The following NF2 variants were observed in gnomAD, a reference collection of about 807,000 sequenced individuals.
The protein encoded by NF2 is NF2, moesin-ezrin-radixin like (MERLIN) tumor suppressor, also known as merlin.
NF2 carries 8 observed loss-of-function variants against 83.7 expected under a neutral mutation model. The ratio of observed to expected loss-of-function variants is 0.10; its 90% CI spans 0.06 to 0.17. The LOEUF is 0.17. Ranked by LOEUF, NF2 falls within the 10% of genes least tolerant of loss-of-function variation. The pLI is 1.00. For synonymous variants in NF2, 266 were observed against 269.6 expected (o/e 0.99, Z 0.13); for missense variants, 533 against 744.4 (o/e 0.72, Z 3.31).
intron 14 of NF2, among the ~76,000 whole-genome samples, chr22:29,679,753 C>A (rs2067072655): frequency 6.6e-6 from 1 of 151,696 alleles, no homozygotes; most frequent in Non-Finnish European, 1.5e-5. Flanking sequence ...GTGGTCCCAG[C>A]TACTCGGGAG....
At chr22:29,680,125 T>TA (rs1236483460) in intron 14 of NF2, among the ~76,000 whole-genome samples, 1 of 151,666 alleles carries the variant, frequency 6.6e-6, no homozygotes, top group Non-Finnish European at 1.5e-5. Flanking sequence ...ACTTTTTTTT[T>TA]TTTTGAGATG....
intron 8 of NF2, 35 bp downstream of exon 8, chr22:29,661,374 G>A (rs2147012469): frequency 6.2e-7 from 1 of 1,611,862 alleles, no homozygotes. Flanking sequence ...GGGTCCAGCA[G>A]ATCTTTCCCT....
chr22:29,690,709 T>G (rs1339878930), intron 15 of NF2, among the ~76,000 whole-genome samples: 1 of 152,234 alleles, frequency 6.6e-6, no homozygotes, highest in East Asian at 1.9e-4. Context: ...CCTCCTGTGT[T>G]ATTCACACGG....
intron 13 of NF2, among the ~76,000 whole-genome samples, chr22:29,676,774 C>T (rs959916116): frequency 3.9e-5 from 6 of 152,164 alleles, no homozygotes; most frequent in South Asian, 4.1e-4. Context: ...GTCAAATTTT[C>T]GATTTTGATA....
intron 1 of NF2, among the ~76,000 whole-genome samples, chr22:29,630,646 C>T (rs1055967896): frequency 6.6e-6 from 1 of 152,222 alleles, no homozygotes; most frequent in Admixed American, 6.5e-5. Context: ...TCTCTTTCTT[C>T]TTCCCGCAAG....
At chr22:29,623,453 C>G (rs907241191) in intron 1 of NF2, among the ~76,000 whole-genome samples, 1 of 152,160 alleles carries the variant, frequency 6.6e-6, no homozygotes, top group Non-Finnish European at 1.5e-5. Context: ...AATTAGAAGG[C>G]AAACGCTTTG....
chr22:29,655,249 T>G (rs758842452), intron 5 of NF2, among the ~76,000 whole-genome samples: 2 of 152,146 alleles, frequency 1.3e-5, no homozygotes, highest in Non-Finnish European at 2.9e-5. Flanking sequence ...TACCTGTCCC[T>G]CGATGGCTTC....
Position 29,603,770 on chromosome 22 carries a change from T to C in NF2, c.-229T>C, listed in dbSNP as rs2064703881. On this transcript the variant is annotated 5_prime_UTR_variant, in exon 1 of 16. Coordinates refer to ENST00000338641, the MANE Select transcript of NF2 (RefSeq NM_000268.4). Reference sequence around the variant, plus strand: ...CGCCTGCACCGAAGGTCCCGGCTCCTGTGCCCTCCCTGCAGCCGTCAGGGC... The same window carrying C: ...CGCCTGCACCGAAGGTCCCGGCTCCCGTGCCCTCCCTGCAGCCGTCAGGGC... 7.3e-6 allele frequency: 4 copies of C among 545,592 alleles called. No individual in the cohort carries two copies. Among genetic ancestry groups the C allele is most frequent in the East Asian group, 3.1e-5 (1 of 31,988 alleles). The allele number at this position is 545,592 out of a possible 1,614,324, so 33.8% of individuals were successfully genotyped here.
intron 6 of NF2, among the ~76,000 whole-genome samples, chr22:29,657,442 A>G (rs2066345165): frequency 6.6e-6 from 1 of 152,240 alleles, no homozygotes; most frequent in South Asian, 2.1e-4. Context: ...TTCCCAAAGT[A>G]ATTGTACCAA....
In NF2 at chr22:29,603,881, C is replaced by T; in HGVS notation, c.-118C>T. The T allele has an allele frequency of 1.3e-6, 1 of 764,778 alleles. No homozygotes were observed. The highest frequency in any genetic ancestry group is 2.1e-6 in the Non-Finnish European group (1 of 475,750). 47.4% of individuals were successfully genotyped at this position (764,778 alleles called of 1,614,324 possible). A position where few individuals can be genotyped will look rare whatever the true frequency, so the allele number is the denominator to read the frequency against. Reference sequence around the variant, plus strand: ...GGACCCGCGCAGCCCAGACCGTTCCCGGGCCGGGCAGCCGGCCACCATGGT... The same window carrying T: ...GGACCCGCGCAGCCCAGACCGTTCCTGGGCCGGGCAGCCGGCCACCATGGT... On this transcript the variant is annotated 5_prime_UTR_variant, in exon 1 of 16. Transcript: ENST00000338641.
At chr22:29,689,666 C>G (rs2283863) in intron 15 of NF2, among the ~76,000 whole-genome samples, 46,193 of 151,916 alleles carry the variant, frequency 0.3, 7,381 homozygotes, top group Non-Finnish European at 0.36. Flanking sequence ...GGCAAGGCCC[C>G]CAGAGACTAG....
chr22:29,696,962 G>A lies in NF2; in HGVS notation c.*2160G>A, dbSNP rs1214592874. ...CTCCCGAGTAGCTGGGACTACAGGC[G>A]TGTGCCACCATGCCTGGCTAATTTT... On this transcript the variant is annotated 3_prime_UTR_variant, in exon 16 of 16. Transcript: ENST00000338641. 1 of 182,196 alleles carries A rather than the reference G, an allele frequency of 5.5e-6. No homozygotes were observed. Among genetic ancestry groups the A allele is most frequent in the Non-Finnish European group, 1.2e-5 (1 of 85,630 alleles). The allele number at this position is 182,196 out of a possible 1,614,324, so 11.3% of individuals were successfully genotyped here.
At chr22:29,673,567 A>G (rs2066873547) in intron 12 of NF2, 81 bp downstream of exon 12, 2 of 1,460,944 alleles carry the variant, frequency 1.4e-6, no homozygotes, top group South Asian at 1.2e-5. Context: ...TGAGCTCTAC[A>G]GCAGTTGTCC....
At chr22:29,661,110 C>G (rs1159029781) in intron 7 of NF2, 95 bp from the exon 8 acceptor site, 1 of 1,565,550 alleles carries the variant, frequency 6.4e-7, no homozygotes, top group Non-Finnish European at 8.8e-7. Context: ...TGAAACTTGT[C>G]ACATGTGACA....
chr22:29,650,352 G>A (rs2066110970), intron 4 of NF2, among the ~76,000 whole-genome samples: 2 of 152,118 alleles, frequency 1.3e-5, no homozygotes, highest in East Asian at 1.9e-4. Flanking sequence ...GATACTATCA[G>A]TCTTTAAAAT....
chr22:29,649,958 C>T (rs754842340), intron 4 of NF2, among the ~76,000 whole-genome samples: 16 of 152,118 alleles, frequency 1.1e-4, no homozygotes, highest in South Asian at 6.2e-4. Context: ...GATTATTTCA[C>T]ATTGCACACC....
At chr22:29,606,808 G>A (rs1418459944) in intron 1 of NF2, among the ~76,000 whole-genome samples, 1 of 152,252 alleles carries the variant, frequency 6.6e-6, no homozygotes, top group Non-Finnish European at 1.5e-5. Context: ...CACTTTGGGA[G>A]GCTGAGGCAG....
At chr22:29,687,944 C>T (rs1393036664) in intron 15 of NF2, among the ~76,000 whole-genome samples, 1 of 152,234 alleles carries the variant, frequency 6.6e-6, no homozygotes, top group African/African-American at 2.4e-5. Context: ...GCATTAGGAA[C>T]TGCAGGCTGC....
At chr22:29,650,392 A>T (rs947993385) in intron 4 of NF2, among the ~76,000 whole-genome samples, 1 of 152,200 alleles carries the variant, frequency 6.6e-6, no homozygotes, top group Admixed American at 6.5e-5. Flanking sequence ...AAGATTTTTT[A>T]AAATTTGCAT....
Sources: allele counts gnomAD v4.1 joint callset (sites outside exome capture counted in the v4.1 genomes callset), GRCh38; gene constraint gnomAD v4.1.1; transcripts MANE v1.5; gene names NCBI Gene and HGNC (gene_info 2026-07-23, HGNC 2026-07-21).